MACROD2: variants seen among roughly 807,000 people sequenced by gnomAD.
MACROD2 encodes ADP-ribose glycohydrolase MACROD2.
Under a neutral mutation model 70.4 loss-of-function variants are expected in MACROD2, and 36 were observed. The observed-to-expected ratio is 0.51, with a 90% CI of 0.39 to 0.68. The LOEUF (loss-of-function observed/expected upper bound fraction) is 0.68, where lower values mean the gene tolerates loss of function less well. Ranked by LOEUF, MACROD2 falls within the 30% of genes least tolerant of loss-of-function variation. MACROD2 has a pLI of 0.00. For missense variants in MACROD2, 496 were observed against 538.4 expected (o/e 0.92, Z 0.78); for synonymous variants, 172 against 178.8 (o/e 0.96, Z 0.30).
rs59205516 is a variant in MACROD2 at position 15,978,582 on chromosome 20, GTCTCTCTCTCTCTC to G, written c.986-8124_986-8111del. Among the ~76,000 whole-genome samples, 1,121 of 146,420 alleles carry G rather than the reference GTCTCTCTCTCTCTC, an allele frequency of 7.7e-3. 4 individuals carry two copies. Among genetic ancestry groups the G allele is most frequent in the South Asian group, 0.016 (71 of 4,514 alleles). On this transcript the variant is annotated intron_variant, in intron 13 of 17. Transcript: ENST00000684519. ...AATAAACTTACTCGCCTGACCTTGG[GTCTCTCTCTCTCTC>G]TCTCTCTCTCTCTCTCTCTCGTTCT...
In MACROD2 at chr20:14,901,819, C is replaced by G. The variant is rs113658419; in HGVS notation, c.418+216860C>G. Among the ~76,000 whole-genome samples, 619 of 152,212 alleles carry G rather than the reference C, an allele frequency of 4.1e-3. 2 individuals carry two copies. Among genetic ancestry groups the G allele is most frequent in the African/African-American group, 0.014 (584 of 41,532 alleles). ...ACAGAGGAATGAGTATCTTGAAAAT[C>G]TAAGGTTCTTTAGGGCTATAGGATT... is the stretch of plus-strand genomic sequence containing the variant. On this transcript the variant is annotated intron_variant, in intron 5 of 17. Coordinates refer to ENST00000684519, the MANE Select transcript of MACROD2 (RefSeq NM_001351661.2).
At chr20:14,814,532 T>C (rs1466969404) in intron 5 of MACROD2, among the ~76,000 whole-genome samples, 1 of 152,076 alleles carries the variant, frequency 6.6e-6, no homozygotes, top group Non-Finnish European at 1.5e-5. Context: ...CTAAAAAAAT[T>C]AAAGTTTTGT....
At chr20:14,724,976 G>A (rs1721498541) in intron 5 of MACROD2, among the ~76,000 whole-genome samples, 1 of 152,300 alleles carries the variant, frequency 6.6e-6, no homozygotes, top group East Asian at 1.9e-4. Flanking sequence ...AGAAATAGTA[G>A]TGGATTAGAT....
chr20:14,836,807 A>C (rs389171), intron 5 of MACROD2, among the ~76,000 whole-genome samples: 89,224 of 151,838 alleles, frequency 0.59, 27,200 homozygotes, highest in Non-Finnish European at 0.67. Context: ...ACTTACCTGA[A>C]TGAATCAGTT....
intron 3 of MACROD2, among the ~76,000 whole-genome samples, chr20:14,376,124 A>T (rs533873131): frequency 4.6e-5 from 7 of 152,330 alleles, no homozygotes; most frequent in Non-Finnish European, 1.0e-4. Context: ...ATGCATTGTT[A>T]AGGTGGGTAA....
At chr20:15,007,656 G>A (rs558387151) in intron 5 of MACROD2, among the ~76,000 whole-genome samples, 3 of 152,328 alleles carry the variant, frequency 2.0e-5, no homozygotes, top group Non-Finnish European at 4.4e-5. Flanking sequence ...GCAGGAGGAT[G>A]AGACTCTTTT....
intron 5 of MACROD2, among the ~76,000 whole-genome samples, chr20:15,009,353 T>C (rs1206797112): frequency 1.3e-5 from 2 of 152,112 alleles, no homozygotes; most frequent in Non-Finnish European, 2.9e-5. Context: ...ATAAGATTTA[T>C]AAAGCCCTCC....
intron 7 of MACROD2, among the ~76,000 whole-genome samples, chr20:15,447,386 C>G (rs2046583364): frequency 6.6e-6 from 1 of 152,180 alleles, no homozygotes; most frequent in Admixed American, 6.5e-5. Context: ...TTTGCCTCCT[C>G]TTCACACTAC....
chr20:14,588,863 GTTTC>G lies in MACROD2; in HGVS notation c.301+95358_301+95361del, dbSNP rs1981568040. 2.0e-5 allele frequency among the ~76,000 whole-genome samples: 3 copies of G among 152,238 alleles called. No homozygotes were observed. In the South Asian group the frequency reaches 6.2e-4, roughly 32 times the overall value. On this transcript the variant is annotated intron_variant, in intron 4 of 17. Coordinates refer to ENST00000684519, the MANE Select transcript of MACROD2 (RefSeq NM_001351661.2). ...GACATCATCTCACAGCTTTTGATAT[GTTTC>G]TTGTCATTAATTTCCAAGTAACTTA... is the stretch of plus-strand genomic sequence containing the variant.
intron 17 of MACROD2, among the ~76,000 whole-genome samples, chr20:16,049,585 T>G (rs2067430719): frequency 6.6e-6 from 1 of 152,226 alleles, no homozygotes; most frequent in Non-Finnish European, 1.5e-5. Flanking sequence ...ATCGTCCCCA[T>G]CAGCCAAAGC....
intron 7 of MACROD2, among the ~76,000 whole-genome samples, chr20:15,477,943 G>A (rs970433501): frequency 3.3e-5 from 5 of 152,144 alleles, no homozygotes; most frequent in Non-Finnish European, 7.3e-5. Context: ...TTGCAGTGAC[G>A]TGAGGAAAAA....
At chr20:15,436,602 T>C (rs2046430994) in intron 7 of MACROD2, among the ~76,000 whole-genome samples, 1 of 152,196 alleles carries the variant, frequency 6.6e-6, no homozygotes, top group Non-Finnish European at 1.5e-5. Context: ...ATGTCCCTGG[T>C]GAAGTTACAG....
At chr20:14,579,522 C>T (rs1395318558) in intron 4 of MACROD2, among the ~76,000 whole-genome samples, 3 of 152,194 alleles carry the variant, frequency 2.0e-5, no homozygotes, top group Non-Finnish European at 2.9e-5. Flanking sequence ...ATGTTTAATA[C>T]TTGCTTTGTG....
chr20:15,692,987 TTCTC>T (rs1277121351), intron 8 of MACROD2, among the ~76,000 whole-genome samples: 3 of 152,032 alleles, frequency 2.0e-5, no homozygotes, highest in South Asian at 2.1e-4. Flanking sequence ...CTTCCCACTC[TTCTC>T]TCTCTCTCCT....
intron 13 of MACROD2, among the ~76,000 whole-genome samples, chr20:15,971,019 A>C (rs1246617353): frequency 6.6e-6 from 1 of 152,184 alleles, no homozygotes; most frequent in Non-Finnish European, 1.5e-5. Context: ...ATTTATAAAA[A>C]TTATAAATAT....
At chr20:14,046,144 A>G (rs1269523188) in intron 2 of MACROD2, among the ~76,000 whole-genome samples, 2 of 152,358 alleles carry the variant, frequency 1.3e-5, no homozygotes, top group East Asian at 3.9e-4. Flanking sequence ...TGCAGAGGAA[A>G]AAAAGTAACT....
intron 5 of MACROD2, among the ~76,000 whole-genome samples, chr20:15,021,137 C>CACATACAG (rs1367139569): frequency 9.9e-5 from 9 of 90,886 alleles, no homozygotes; most frequent in Admixed American, 8.6e-4. Flanking sequence ...TATACACATA[C>CACATACAG]GTGTGTGTAT....
At chr20:15,741,826 G>A (rs1269523865) in intron 8 of MACROD2, among the ~76,000 whole-genome samples, 2 of 152,028 alleles carry the variant, frequency 1.3e-5, no homozygotes, top group African/African-American at 4.8e-5. Flanking sequence ...AGGGGTCTTT[G>A]CATCTAGTAG....
intron 9 of MACROD2, among the ~76,000 whole-genome samples, chr20:15,875,376 C>A (rs1424086512): frequency 6.6e-6 from 1 of 151,994 alleles, no homozygotes; most frequent in Non-Finnish European, 1.5e-5. Flanking sequence ...TCAGTATTTT[C>A]TTTAATTATG....
Sources: gnomAD v4.1 joint callset for allele counts (sites outside exome capture counted in the v4.1 genomes callset) on GRCh38, gnomAD v4.1.1 for gene constraint, MANE v1.5 for transcripts, NCBI Gene and HGNC (gene_info 2026-07-23, HGNC 2026-07-21) for gene names.